Variants in DDX46 observed in about 807,000 individuals in gnomAD.
The protein encoded by DDX46 is probable ATP-dependent RNA helicase DDX46.
A neutral mutation model predicts 134.9 loss-of-function variants in DDX46; 30 were observed. That is an observed-to-expected ratio of 0.22 (90% CI 0.17 to 0.30). The LOEUF (loss-of-function observed/expected upper bound fraction) is 0.30. Ranked by LOEUF, DDX46 falls within the 10% of genes least tolerant of loss-of-function variation. The pLI is 1.00. For missense variants in DDX46, 622 were observed against 1,248.7 expected (o/e 0.50, Z 7.56); for synonymous variants, 415 against 404.1 (o/e 1.03, Z -0.32).
intron 18 of DDX46, 148 bp from the exon 19 acceptor site, chr5:134,816,282 C>T: frequency 1.5e-6 from 1 of 653,468 alleles, no homozygotes; most frequent in Non-Finnish European, 2.3e-6. Context: ...TATATTTTCC[C>T]ATGGATCTGT....
intron 6 of DDX46, among the ~76,000 whole-genome samples, chr5:134,780,126 G>A (rs987665394): frequency 1.3e-5 from 2 of 151,004 alleles, no homozygotes; most frequent in African/African-American, 4.9e-5. Context: ...GTGTGTGTGT[G>A]TGTGTGTGTG....
At chr5:134,801,943 TTA>T (rs1305218074) in intron 15 of DDX46, among the ~76,000 whole-genome samples, 1 of 152,154 alleles carries the variant, frequency 6.6e-6, no homozygotes, top group African/African-American at 2.4e-5. Context: ...TTATTTGTAT[TTA>T]TTCTGTGTGG....
At chr5:134,780,564 C>CAATCAATA (rs1554148887) in intron 6 of DDX46, among the ~76,000 whole-genome samples, 154 of 142,330 alleles carry the variant, frequency 1.1e-3, no homozygotes, top group African/African-American at 3.6e-3. Flanking sequence ...AACTTTATCT[C>CAATCAATA]AATAAATAAA....
rs1221161832 is a variant in DDX46 at position 134,782,931 on chromosome 5, G to A, written c.1046-14G>A. On this transcript the variant is annotated splice_polypyrimidine_tract_variant and intron_variant, in intron 8 of 22. Transcript: ENST00000452510. ...CAATATTTAAGAACTTTTAATCTGG[G>A]TTTTGTTTTGTAGAGGTAAATGTGT... is the stretch of plus-strand genomic sequence containing the variant. The A allele has an allele frequency of 6.2e-7, 1 of 1,609,396 alleles. No individual in the cohort carries two copies. Among genetic ancestry groups the A allele is most frequent in the South Asian group, 1.1e-5 (1 of 90,036 alleles).
intron 18 of DDX46, among the ~76,000 whole-genome samples, chr5:134,812,738 A>G (rs978877280): frequency 2.0e-5 from 3 of 151,998 alleles, no homozygotes; most frequent in African/African-American, 7.3e-5. Context: ...CCTGGGTTCA[A>G]GCGATTTTCC....
chr5:134,788,617 T>C (rs1367624265), intron 12 of DDX46, 26 bp downstream of exon 12: 1 of 1,599,058 alleles, frequency 6.3e-7, no homozygotes, highest in Non-Finnish European at 8.5e-7. Context: ...TTTTTTGGTG[T>C]CTTTTATTTT....
chr5:134,770,737 G>T (rs915912047), intron 3 of DDX46, among the ~76,000 whole-genome samples, 166 bp from the exon 4 acceptor site: 6 of 151,748 alleles, frequency 4.0e-5, no homozygotes, highest in Admixed American at 3.9e-4. Flanking sequence ...GCTTGAACCC[G>T]GGAGGTGGAG....
At position 134,767,043 on chromosome 5, in the gene DDX46, C is replaced by G. The variant is rs763241287; in HGVS notation, c.333C>G (p.Ser111Arg). 4.1e-5 allele frequency: 66 copies of G among 1,613,158 alleles called. No homozygotes were observed. The highest frequency in any genetic ancestry group is 4.7e-5 in the Non-Finnish European group (56 of 1,179,766). Residue 111 changes from serine (S) to arginine (R), a missense_variant, in exon 3 of 23, where the codon AGC becomes AGG. Physicochemically the swap from Ser to Arg is moderately radical, Grantham distance 110. Coordinates refer to ENST00000452510, the MANE Select transcript of DDX46 (RefSeq NM_001300860.2). ...RSRSSSPGNKSKKTENRSRSK... is the reference protein window; with the variant it reads ...RSRSSSPGNKRKKTENRSRSK... ...GATCCTCCAGTCCTGGAAATAAAAG[C>G]AAGAAAACTGAGAATAGGTAATGTT...
At chr5:134,782,233 C>T (rs192475006) in intron 8 of DDX46, 147 bp downstream of exon 8, 33 of 880,874 alleles carry the variant, frequency 3.7e-5, no homozygotes, top group East Asian at 3.7e-4. Context: ...TGGCCAGCTG[C>T]GGTGGCTCAC....
intron 1 of DDX46, among the ~76,000 whole-genome samples, chr5:134,763,045 C>G (rs760768953): frequency 2.6e-4 from 40 of 151,664 alleles, no homozygotes; most frequent in Non-Finnish European, 4.3e-4. Flanking sequence ...GGCAACAGAG[C>G]CAGACTCTTT....
chr5:134,794,701 G>T, intron 13 of DDX46, 149 bp from the exon 14 acceptor site: 1 of 907,310 alleles, frequency 1.1e-6, no homozygotes, highest in South Asian at 1.8e-5. Context: ...AAGCATGTGT[G>T]GAGTTGTCAT....
intron 20 of DDX46, among the ~76,000 whole-genome samples, chr5:134,817,944 G>A (rs1159913533): frequency 6.8e-6 from 1 of 147,338 alleles, no homozygotes; most frequent in Non-Finnish European, 1.5e-5. Flanking sequence ...TTCTTTGCTT[G>A]TTTGTTGTTT....
intron 15 of DDX46, 141 bp from the exon 16 acceptor site, chr5:134,807,607 A>G (rs1196311432): frequency 3.4e-5 from 25 of 727,178 alleles, no homozygotes; most frequent in Middle Eastern, 4.0e-4. Context: ...TAATCTTGCC[A>G]TTACATTTTC....
intron 13 of DDX46, among the ~76,000 whole-genome samples, chr5:134,793,381 C>A (rs1754563494): frequency 6.6e-6 from 1 of 152,076 alleles, no homozygotes; most frequent in African/African-American, 2.4e-5. Flanking sequence ...AGGCATGATT[C>A]TGTATTGAAA....
intron 1 of DDX46, among the ~76,000 whole-genome samples, chr5:134,759,497 AGCAGGTAACTTT>A (rs375366951): frequency 1.3e-3 from 193 of 152,312 alleles, no homozygotes; most frequent in African/African-American, 4.3e-3. Flanking sequence ...TTCGTATTTA[AGCAGGTAACTTT>A]GTTACCTGCT....
At chr5:134,814,601 G>A (rs1363057349) in intron 18 of DDX46, among the ~76,000 whole-genome samples, 3 of 152,068 alleles carry the variant, frequency 2.0e-5, no homozygotes, top group South Asian at 4.1e-4. Flanking sequence ...CCCTGTTGGT[G>A]TTTTCTTGGG....
At chr5:134,794,740 G>A in intron 13 of DDX46, 110 bp from the exon 14 acceptor site, 1 of 1,395,996 alleles carries the variant, frequency 7.2e-7, no homozygotes, top group East Asian at 2.3e-5. Context: ...TGTGGGAGTG[G>A]CAAAACTGAG....
chr5:134,763,922 G>A lies in DDX46; in HGVS notation c.36G>A (p.Ser12=), dbSNP rs180752021. Residue 12 remains serine (S), a synonymous_variant, in exon 2 of 23, where the codon TCG becomes TCA. Coordinates refer to ENST00000452510, the MANE Select transcript of DDX46 (RefSeq NM_001300860.2). ...GRESRHYRKR[S]ASRGRSGSRS... ...GTTCTAGCCACTATCGAAAACGATC[G>A]GCATCCCGGGGTCGCTCTGGAAGTC... is the stretch of plus-strand genomic sequence containing the variant. 30 of 1,613,868 alleles carry A rather than the reference G, an allele frequency of 1.9e-5. No individual in the cohort carries two copies. In the East Asian group the frequency reaches 4.7e-4, roughly 25 times the overall value.
intron 21 of DDX46, 50 bp downstream of exon 21, chr5:134,819,054 G>A (rs765183643): frequency 3.3e-5 from 52 of 1,589,810 alleles, no homozygotes; most frequent in South Asian, 1.0e-4. Flanking sequence ...CAAGGTTGAT[G>A]TAGATGTAAT....
Sources: allele counts gnomAD v4.1 joint callset (sites outside exome capture counted in the v4.1 genomes callset), GRCh38; gene constraint gnomAD v4.1.1; transcripts MANE v1.5; gene names NCBI Gene and HGNC (gene_info 2026-07-23, HGNC 2026-07-21).